PGBD5: variants seen among roughly 807,000 people sequenced by gnomAD.
PGBD5 encodes the protein piggyBac transposable element-derived protein 5.
A neutral mutation model predicts 47.9 loss-of-function variants in PGBD5; 14 were observed. The observed-to-expected ratio is 0.29, with a 90% CI of 0.19 to 0.46. PGBD5 has a LOEUF of 0.46. PGBD5 is among the 20% of genes least tolerant of loss of function. PGBD5 has a pLI of 1.00. For synonymous variants in PGBD5, 316 were observed against 306.3 expected (o/e 1.03, Z -0.33); for missense variants, 635 against 716.0 (o/e 0.89, Z 1.29).
chr1:230,378,395 C>T (rs1447429551), intron 1 of PGBD5, among the ~76,000 whole-genome samples: 1 of 152,260 alleles, frequency 6.6e-6, no homozygotes, highest in African/African-American at 2.4e-5. Flanking sequence ...AAGGTCATAA[C>T]TCAATCCCTT....
At chr1:230,393,888 T>C (rs901053230) in intron 1 of PGBD5, among the ~76,000 whole-genome samples, 1 of 150,446 alleles carries the variant, frequency 6.6e-6, no homozygotes, top group Non-Finnish European at 1.5e-5. Context: ...ATTAGAAACA[T>C]GTGGCTTCGC....
intron 3 of PGBD5, among the ~76,000 whole-genome samples, chr1:230,344,152 G>A (rs1046283263): frequency 6.6e-6 from 1 of 152,190 alleles, no homozygotes; most frequent in African/African-American, 2.4e-5. Flanking sequence ...GGGCGTGGTG[G>A]CGGGCACCTG....
chr1:230,357,328 C>T lies in PGBD5; in HGVS notation c.332-7G>A, dbSNP rs370040930. 1.2e-6 allele frequency: 2 copies of T among 1,611,572 alleles called. No homozygotes were observed. Among genetic ancestry groups the T allele is most frequent in the Non-Finnish European group, 1.7e-6 (2 of 1,178,390 alleles). ...GGCATCTTTCGGGTGGGACCTGAAA[C>T]CCAAAGACAGGTGGAGTGTTCCTTA... is the stretch of plus-strand genomic sequence containing the variant. On this transcript the variant is annotated splice_region_variant and splice_polypyrimidine_tract_variant and intron_variant, in intron 1 of 6. Coordinates refer to ENST00000391860, the MANE Select transcript of PGBD5 (RefSeq NM_001258311.2). This position sits in a 1 kb window ranked among gnomAD's most constrained non-coding sequence, Gnocchi z 5.7.
intron 1 of PGBD5, among the ~76,000 whole-genome samples, chr1:230,386,902 T>A (rs889825511): frequency 6.6e-6 from 1 of 152,208 alleles, no homozygotes; most frequent in Non-Finnish European, 1.5e-5. Context: ...GGGGAATATA[T>A]ATGGCATCAC....
Position 230,357,445 on chromosome 1 carries a change from C to G in PGBD5, c.332-124G>C. 1 of 1,026,748 alleles carries G rather than the reference C, an allele frequency of 9.7e-7. No individual in the cohort carries two copies. Among genetic ancestry groups the G allele is most frequent in the Non-Finnish European group, 1.4e-6 (1 of 714,336 alleles). 63.6% of individuals were successfully genotyped at this position (1,026,748 alleles called of 1,614,324 possible). On this transcript the variant is annotated intron_variant, in intron 1 of 6. Transcript: ENST00000391860. This position sits in a 1 kb window ranked among gnomAD's most constrained non-coding sequence, Gnocchi z 5.7. ...AGTGCCCCCGCTGCCTCCAGTGCTACCGCCTTCCCCTCCAACCTTCCAGAA... is the reference window on the plus strand; with the variant it reads ...AGTGCCCCCGCTGCCTCCAGTGCTAGCGCCTTCCCCTCCAACCTTCCAGAA...
intron 1 of PGBD5, among the ~76,000 whole-genome samples, chr1:230,365,833 G>T (rs1259977816): frequency 6.6e-6 from 1 of 152,226 alleles, no homozygotes; most frequent in East Asian, 1.9e-4. Flanking sequence ...GTGGATGAAT[G>T]ACTCTTTGGA....
chr1:230,377,643 C>T, intron 1 of PGBD5: 1 of 1,484,666 alleles, frequency 6.7e-7, no homozygotes. Context: ...CGAACAGGTG[C>T]CCTGGTCAAG....
intron 1 of PGBD5, among the ~76,000 whole-genome samples, chr1:230,381,512 G>C (rs995451460): frequency 3.9e-5 from 6 of 152,194 alleles, no homozygotes; most frequent in Non-Finnish European, 8.8e-5. Flanking sequence ...CCTGATCAGA[G>C]GCTGGACCCT....
intron 1 of PGBD5, among the ~76,000 whole-genome samples, chr1:230,359,156 G>A (rs1450789424): frequency 6.6e-6 from 1 of 151,944 alleles, no homozygotes; most frequent in Non-Finnish European, 1.5e-5. Context: ...CCACCTCCCA[G>A]GTTCAAGCAA....
intron 1 of PGBD5, among the ~76,000 whole-genome samples, chr1:230,413,640 TC>T (rs941167595): frequency 6.6e-6 from 1 of 152,204 alleles, no homozygotes. Context: ...CTTCATGTCA[TC>T]CTTTGGTTTC....
rs1328982765 is a variant in PGBD5, at chr1:230,317,055, C to G, written c.*6370G>C. 6.6e-6 allele frequency: 1 copy of G among 152,254 alleles called. No individual in the cohort carries two copies. The highest frequency in any genetic ancestry group is 1.5e-5 in the Non-Finnish European group (1 of 68,092). The allele number at this position is 152,254 out of a possible 1,614,324, so 9.4% of individuals were successfully genotyped here. A position where few individuals can be genotyped will look rare whatever the true frequency, so the allele number is the denominator to read the frequency against. On this transcript the variant is annotated 3_prime_UTR_variant, in exon 7 of 7. Coordinates refer to ENST00000391860, the MANE Select transcript of PGBD5 (RefSeq NM_001258311.2). ...ATGCCTGCCAAGCAAGGTGGAGGGT[C>G]TGGGGGTTGCTGAGTCCAGCAGCAA...
intron 1 of PGBD5, among the ~76,000 whole-genome samples, chr1:230,380,737 C>A (rs1394407297): frequency 6.6e-6 from 1 of 152,226 alleles, no homozygotes; most frequent in Non-Finnish European, 1.5e-5. Flanking sequence ...ACTCAAGAAC[C>A]AGGTGCATCA....
chr1:230,362,316 G>A (rs375716358), intron 1 of PGBD5: 6 of 1,367,636 alleles, frequency 4.4e-6, no homozygotes, highest in East Asian at 4.5e-5. Flanking sequence ...TGCAGGGCAC[G>A]AGGAATGGAT....
At chr1:230,358,874 A>C (rs139511981) in intron 1 of PGBD5, among the ~76,000 whole-genome samples, 153 of 152,348 alleles carry the variant, frequency 1.0e-3, no homozygotes, top group African/African-American at 3.6e-3. Flanking sequence ...TCTGCACAAC[A>C]AAATTACCTA....
chr1:230,332,605 C>T (rs1278427415), intron 5 of PGBD5, among the ~76,000 whole-genome samples: 3 of 152,218 alleles, frequency 2.0e-5, no homozygotes, highest in Non-Finnish European at 2.9e-5. Flanking sequence ...ACCCCGTCAG[C>T]ATGCACCGCT....
rs1438768749 is a variant in PGBD5, at chr1:230,426,306, C to T, written c.-378G>A. 1 of 148,960 alleles carries T rather than the reference C, an allele frequency of 6.7e-6. No homozygotes were observed. Among genetic ancestry groups the T allele is most frequent in the Admixed American group, 6.7e-5 (1 of 14,894 alleles). 9.2% of individuals were successfully genotyped at this position (148,960 alleles called of 1,614,324 possible). On this transcript the variant is annotated 5_prime_UTR_variant, in exon 1 of 7. Coordinates refer to ENST00000391860, the MANE Select transcript of PGBD5 (RefSeq NM_001258311.2). ...CGCCCGCCGCCTCCCTGCCCGCCCT[C>T]TCCACGGCCTCCGGCGCTCGGCTGC...
chr1:230,345,146 G>T (rs985370548), intron 3 of PGBD5, among the ~76,000 whole-genome samples: 1 of 152,114 alleles, frequency 6.6e-6, no homozygotes, highest in Non-Finnish European at 1.5e-5. Context: ...AAGAATCTTG[G>T]GGTTCCATTA....
Position 230,413,794 on chromosome 1 carries a change from G to A in PGBD5, c.331+11804C>T, listed in dbSNP as rs565909281. Among the ~76,000 whole-genome samples the A allele has an allele frequency of 2.6e-5, 4 of 152,126 alleles. No individual in the cohort carries two copies. In the East Asian group the frequency reaches 5.8e-4, roughly 22 times the overall value. On this transcript the variant is annotated intron_variant, in intron 1 of 6. Transcript: ENST00000391860. Reference sequence around the variant, plus strand: ...GCTGCATCACAACTATCTGTGGATCGGCCGTTTGTCTTCACCACCAGGAGT... The same window carrying A: ...GCTGCATCACAACTATCTGTGGATCAGCCGTTTGTCTTCACCACCAGGAGT...
chr1:230,419,345 G>T (rs975916965), intron 1 of PGBD5, among the ~76,000 whole-genome samples: 1 of 113,280 alleles, frequency 8.8e-6, no homozygotes. Context: ...CTTAGAAATG[G>T]GAGTTAAACA....
Sources: allele counts gnomAD v4.1 joint callset (sites outside exome capture counted in the v4.1 genomes callset), GRCh38; gene constraint gnomAD v4.1.1; non-coding constraint Gnocchi (gnomAD v3.1); transcripts MANE v1.5; gene names NCBI Gene and HGNC (gene_info 2026-07-23, HGNC 2026-07-21).